RBFOX1: variants seen among roughly 807,000 people sequenced by gnomAD.
RBFOX1 encodes the protein RNA binding fox-1 homolog 1, also known as RNA binding protein fox-1 homolog 1.
Under a neutral mutation model 57.7 loss-of-function variants are expected in RBFOX1, and 8 were observed. The observed-to-expected ratio is 0.14, with a 90% CI of 0.08 to 0.25. The LOEUF (loss-of-function observed/expected upper bound fraction) is 0.25, where lower values mean the gene tolerates loss of function less well. Among genes scored for constraint, RBFOX1 ranks in the 10% least tolerant of loss-of-function variants. RBFOX1 has a pLI of 1.00. For missense variants in RBFOX1, 611 were observed against 548.5 expected, an observed-to-expected ratio of 1.11 and a Z score of -1.14; for synonymous variants, 326 against 222.4, an observed-to-expected ratio of 1.47 and a Z score of -4.15.
At chr16:6,080,911 A>G (rs2095991339) in intron 1 of RBFOX1, among the ~76,000 whole-genome samples, 1 of 152,184 alleles carries the variant, frequency 6.6e-6, no homozygotes, top group African/African-American at 2.4e-5. Context: ...TGAAGAGAAA[A>G]TCAAAGACAT....
At chr16:5,252,768 C>A (rs527495935) in intron 1 of RBFOX1, among the ~76,000 whole-genome samples, 78 of 152,374 alleles carry the variant, frequency 5.1e-4, no homozygotes, top group African/African-American at 1.9e-3. Flanking sequence ...GTGCAGATGG[C>A]TGCAAAGCTT....
intron 1 of RBFOX1, among the ~76,000 whole-genome samples, chr16:6,022,684 AAAAAC>A (rs1038960334): frequency 2.0e-5 from 3 of 152,212 alleles, no homozygotes; most frequent in Non-Finnish European, 4.4e-5. Context: ...ACCCTGCCTC[AAAAAC>A]AAAACAAAAC....
At chr16:6,323,025 T>G (rs1172434381) in intron 2 of RBFOX1, among the ~76,000 whole-genome samples, 1 of 152,120 alleles carries the variant, frequency 6.6e-6, no homozygotes, top group Non-Finnish European at 1.5e-5. Flanking sequence ...AGCAGAGCTC[T>G]TTTCCCAGCT....
At chr16:6,890,817 G>C (rs1276659958) in intron 3 of RBFOX1, among the ~76,000 whole-genome samples, 1 of 152,132 alleles carries the variant, frequency 6.6e-6, no homozygotes, top group African/African-American at 2.4e-5. Context: ...AAAGTAACTG[G>C]AACCATTTGT....
chr16:6,098,697 C>T (rs2096272343), intron 1 of RBFOX1, among the ~76,000 whole-genome samples: 1 of 152,210 alleles, frequency 6.6e-6, no homozygotes, highest in Non-Finnish European at 1.5e-5. Flanking sequence ...TCATCTGAGA[C>T]CCTTACTACG....
chr16:6,607,011 C>G (rs926861394), intron 2 of RBFOX1, among the ~76,000 whole-genome samples: 3 of 152,162 alleles, frequency 2.0e-5, no homozygotes, highest in Admixed American at 2.0e-4. Context: ...AGAGCCTTGT[C>G]AGCATCTGTT....
intron 3 of RBFOX1, among the ~76,000 whole-genome samples, chr16:7,019,035 A>T (rs1336266803): frequency 3.3e-5 from 5 of 152,058 alleles, no homozygotes; most frequent in Non-Finnish European, 7.4e-5. Flanking sequence ...AACTGAAAAA[A>T]ACTGTTCCTG....
At chr16:6,076,339 C>A (rs1334707891) in intron 1 of RBFOX1, among the ~76,000 whole-genome samples, 1 of 150,470 alleles carries the variant, frequency 6.6e-6, no homozygotes, top group Non-Finnish European at 1.5e-5. Context: ...CACGCGCACA[C>A]ACACACATAC....
downstream of RBFOX1, among the ~76,000 whole-genome samples, chr16:5,603,388 G>T: frequency 6.7e-6 from 1 of 148,426 alleles, no homozygotes; most frequent in Non-Finnish European, 1.5e-5. Context: ...CAGTCTCATA[G>T]CTAATGGGGA....
At chr16:7,435,344 A>C (rs576174375) in intron 4 of RBFOX1, among the ~76,000 whole-genome samples, 1 of 152,240 alleles carries the variant, frequency 6.6e-6, no homozygotes, top group African/African-American at 2.4e-5. Context: ...GGAAGACCAC[A>C]GAGACAGCGT....
chr16:5,260,112 A>T (rs1048106571), intron 1 of RBFOX1, among the ~76,000 whole-genome samples: 2 of 152,174 alleles, frequency 1.3e-5, no homozygotes, highest in African/African-American at 4.8e-5. Context: ...GAGGCAGGAG[A>T]ATCGCTTAAG....
At chr16:6,852,902 G>T (rs561230486) in intron 3 of RBFOX1, among the ~76,000 whole-genome samples, 2 of 152,154 alleles carry the variant, frequency 1.3e-5, no homozygotes, top group Admixed American at 1.3e-4. Context: ...TCCACACAAG[G>T]TGCATGCTGG....
chr16:6,938,161 A>G (rs973293111), intron 3 of RBFOX1, among the ~76,000 whole-genome samples: 6 of 152,192 alleles, frequency 3.9e-5, no homozygotes, highest in Non-Finnish European at 8.8e-5. Context: ...CATTGTTTAA[A>G]AACAAATTTC....
chr16:6,879,635 G>A (rs1320948378), intron 3 of RBFOX1, among the ~76,000 whole-genome samples: 2 of 152,140 alleles, frequency 1.3e-5, no homozygotes, highest in African/African-American at 2.4e-5. Flanking sequence ...GATGTTTTAG[G>A]AGCTTCAAGT....
At chr16:6,060,588 A>G (rs543321860) in intron 1 of RBFOX1, among the ~76,000 whole-genome samples, 1 of 152,180 alleles carries the variant, frequency 6.6e-6, no homozygotes, top group South Asian at 2.1e-4. Context: ...TGCTTTGCCT[A>G]TGGTGTTGTA....
At chr16:6,478,429 A>ATACATATATATATATATTTTT (rs1159954387) in intron 2 of RBFOX1, among the ~76,000 whole-genome samples, 1 of 24,632 alleles carries the variant, frequency 4.1e-5, no homozygotes, top group Non-Finnish European at 7.8e-5. Flanking sequence ...ATATATATAT[A>ATACATATATATATATATTTTT]TTTTTTTTTT....
chr16:5,329,827 G>A (rs992306234), intron 1 of RBFOX1, among the ~76,000 whole-genome samples: 1 of 152,052 alleles, frequency 6.6e-6, no homozygotes, highest in Non-Finnish European at 1.5e-5. Flanking sequence ...GTGAAACCCC[G>A]TCTCTACTAA....
intron 2 of RBFOX1, among the ~76,000 whole-genome samples, chr16:6,434,959 T>C (rs1217246550): frequency 6.6e-6 from 1 of 152,206 alleles, no homozygotes; most frequent in Admixed American, 6.5e-5. Context: ...CTGGAAGATA[T>C]GTACATATAC....
Position 6,226,337 on chromosome 16 carries a change from C to T in RBFOX1, c.-126-90658C>T, listed in dbSNP as rs2097417508. Among the ~76,000 whole-genome samples, 2 of 143,924 alleles carry T rather than the reference C, an allele frequency of 1.4e-5. 1 individual carries two copies. The highest frequency in any genetic ancestry group is 4.4e-4 in the South Asian group (2 of 4,512). The allele number at this position is 143,924 out of a possible 152,430, so 94.4% of individuals were successfully genotyped here. On this transcript the variant is annotated intron_variant, in intron 1 of 15. Coordinates refer to ENST00000550418, the MANE Select transcript of RBFOX1 (RefSeq NM_018723.4). ...GCAGTGAGCCAAAATCATGCCATTG[C>T]ACTCCAGCCTCGGCAACAAGAGTGA...
Sources: gnomAD v4.1 joint callset for allele counts (sites outside exome capture counted in the v4.1 genomes callset) on GRCh38, gnomAD v4.1.1 for gene constraint, MANE v1.5 for transcripts, NCBI Gene and HGNC (gene_info 2026-07-23, HGNC 2026-07-21) for gene names.